The following PCDH7 variants were observed in gnomAD, a reference collection of about 807,000 sequenced individuals.
PCDH7 encodes protocadherin 7.
Under a neutral mutation model 58.9 loss-of-function variants are expected in PCDH7, and 17 were observed. That is an observed-to-expected ratio of 0.29 (90% CI 0.20 to 0.43). PCDH7 has a LOEUF of 0.43. PCDH7 is among the 20% of genes least tolerant of loss of function. The pLI is 1.00. For missense variants in PCDH7, 1,274 were observed against 1,441.0 expected, an observed-to-expected ratio of 0.88 and a Z score of 1.88; for synonymous variants, 664 against 616.4, an observed-to-expected ratio of 1.08 and a Z score of -1.14.
At chr4:31,094,415 C>T (rs777238471) in intron 3 of PCDH7, among the ~76,000 whole-genome samples, 4 of 151,890 alleles carry the variant, frequency 2.6e-5, no homozygotes, top group Admixed American at 6.6e-5. Context: ...ATAACAAATC[C>T]GTGAAAGGCT....
At chr4:30,974,617 A>T (rs1162333990) in intron 3 of PCDH7, among the ~76,000 whole-genome samples, 1 of 152,220 alleles carries the variant, frequency 6.6e-6, no homozygotes, top group African/African-American at 2.4e-5. Context: ...AATTTCTGAT[A>T]ATTAACCAAA....
chr4:30,999,423 A>T (rs908852775), intron 3 of PCDH7, among the ~76,000 whole-genome samples: 1 of 152,178 alleles, frequency 6.6e-6, no homozygotes, highest in Non-Finnish European at 1.5e-5. Context: ...TTGGTGGAGA[A>T]GAGGATGAAG....
chr4:30,984,044 A>C (rs1750776415), intron 3 of PCDH7, among the ~76,000 whole-genome samples: 1 of 152,214 alleles, frequency 6.6e-6, no homozygotes. Context: ...TGATTGCAAG[A>C]AACAACTGTG....
intron 3 of PCDH7, among the ~76,000 whole-genome samples, chr4:31,032,732 G>A (rs1016401669): frequency 6.6e-5 from 10 of 151,306 alleles, no homozygotes; most frequent in Non-Finnish European, 1.3e-4. Context: ...AAGAGTACAT[G>A]TCATTGCGAG....
intron 3 of PCDH7, among the ~76,000 whole-genome samples, chr4:31,023,482 A>G (rs1176945499): frequency 1.3e-5 from 2 of 152,358 alleles, no homozygotes; most frequent in East Asian, 3.9e-4. Context: ...GTATAATTTC[A>G]ACATTTCTTT....
At chr4:30,869,528 G>A (rs1203987646) in intron 1 of PCDH7, among the ~76,000 whole-genome samples, 1 of 152,148 alleles carries the variant, frequency 6.6e-6, no homozygotes, top group Non-Finnish European at 1.5e-5. Context: ...ATGAGAACAT[G>A]TGGTGTTAGG....
At chr4:30,967,041 G>A (rs959706103) in intron 3 of PCDH7, among the ~76,000 whole-genome samples, 1 of 151,938 alleles carries the variant, frequency 6.6e-6, no homozygotes, top group Admixed American at 6.6e-5. Context: ...TTCTTTCTAT[G>A]TGCTGGATAT....
chr4:31,083,330 A>T (rs1465843740), intron 3 of PCDH7, among the ~76,000 whole-genome samples: 1 of 152,184 alleles, frequency 6.6e-6, no homozygotes, highest in African/African-American at 2.4e-5. Flanking sequence ...TAAATTATAG[A>T]TATTGAGAAA....
intron 3 of PCDH7, among the ~76,000 whole-genome samples, chr4:31,139,314 T>G (rs1361039561): frequency 6.6e-6 from 1 of 152,214 alleles, no homozygotes; most frequent in Non-Finnish European, 1.5e-5. Context: ...TCATTTGTAT[T>G]GATTTACTCA....
At chr4:30,849,463 A>G (rs1578037365) in intron 1 of PCDH7, among the ~76,000 whole-genome samples, 1 of 151,442 alleles carries the variant, frequency 6.6e-6, no homozygotes, top group African/African-American at 2.4e-5. Flanking sequence ...ACTGTATCAC[A>G]GGACAGATCT....
At chr4:30,903,532 A>G (rs553739856) in intron 1 of PCDH7, among the ~76,000 whole-genome samples, 52 of 152,192 alleles carry the variant, frequency 3.4e-4, no homozygotes, top group South Asian at 8.3e-4. Context: ...TAATTCAGTC[A>G]TTTATAGAGC....
intron 3 of PCDH7, among the ~76,000 whole-genome samples, chr4:31,141,696 G>T (rs1358442751): frequency 6.6e-6 from 1 of 152,052 alleles, no homozygotes; most frequent in Non-Finnish European, 1.5e-5. Flanking sequence ...TAGAGTACAG[G>T]CTAGTTCATC....
chr4:31,101,371 T>C (rs1714871810), intron 3 of PCDH7, among the ~76,000 whole-genome samples: 1 of 152,170 alleles, frequency 6.6e-6, no homozygotes, highest in African/African-American at 2.4e-5. Flanking sequence ...TTCAGTGAAC[T>C]TGTAGGCATC....
rs1056880637 is a variant in PCDH7 at position 30,724,759 on chromosome 4, C to T, written c.3174+163C>T. 2.8e-6 allele frequency: 4 copies of T among 1,446,426 alleles called. No homozygotes were observed. The African/African-American group carries it at 5.7e-5, about 21-fold the overall frequency. 89.6% of individuals were successfully genotyped at this position (1,446,426 alleles called of 1,614,324 possible). ...GCACCATTAATTTAGCAAAGGCCAT[C>T]TACAAGAGGTATACCACTGTATTTT... On this transcript the variant is annotated intron_variant, in intron 1 of 1. Transcript: ENST00000361762.
chr4:30,954,921 CAT>C (rs1364901847), intron 3 of PCDH7, among the ~76,000 whole-genome samples: 1 of 152,066 alleles, frequency 6.6e-6, no homozygotes, highest in African/African-American at 2.4e-5. Context: ...TTAGTGATAA[CAT>C]GTGTTGACTT....
intron 3 of PCDH7, among the ~76,000 whole-genome samples, chr4:31,072,624 C>G (rs1758648383): frequency 6.6e-6 from 1 of 151,868 alleles, no homozygotes; most frequent in Non-Finnish European, 1.5e-5. Context: ...TGAGGAACAC[C>G]ATGTATGAAG....
intron 3 of PCDH7, among the ~76,000 whole-genome samples, chr4:31,011,662 T>C (rs991513887): frequency 6.6e-6 from 1 of 152,058 alleles, no homozygotes; most frequent in Non-Finnish European, 1.5e-5. Flanking sequence ...TGAATTGTTT[T>C]TAATAAATAA....
At chr4:30,766,113 G>GAA (rs34353609) in intron 1 of PCDH7, among the ~76,000 whole-genome samples, 41 of 146,924 alleles carry the variant, frequency 2.8e-4, no homozygotes, top group Admixed American at 1.4e-3. Flanking sequence ...TAAATGTAGG[G>GAA]AAAAAAAAAA....
At chr4:31,142,520 G>A (rs1176120975) in exon 4 of PCDH7, 2 of 1,367,746 alleles carry the variant, frequency 1.5e-6, no homozygotes, top group Non-Finnish European at 2.0e-6. Flanking sequence ...GTGCACTCGT[G>A]AGTGTGATGA....
Sources: gnomAD v4.1 joint callset for allele counts (sites outside exome capture counted in the v4.1 genomes callset) on GRCh38, gnomAD v4.1.1 for gene constraint, MANE v1.5 for transcripts, NCBI Gene and HGNC (gene_info 2026-07-23, HGNC 2026-07-21) for gene names.